EIF3H: variants seen among roughly 807,000 people sequenced by gnomAD.
The protein encoded by EIF3H is eIF-3-gamma.
EIF3H carries 26 observed loss-of-function variants against 44.2 expected under a neutral mutation model. The observed-to-expected ratio is 0.59, with a 90% CI of 0.43 to 0.82. EIF3H has a LOEUF of 0.82. EIF3H is among the 40% of genes least tolerant of loss of function. EIF3H has a pLI of 0.00. For missense variants in EIF3H, 359 were observed against 432.8 expected, an observed-to-expected ratio of 0.83 and a Z score of 1.51; for synonymous variants, 166 against 151.9, an observed-to-expected ratio of 1.09 and a Z score of -0.68.
At chr8:116,659,651 T>C (rs916715131) in intron 2 of EIF3H, among the ~76,000 whole-genome samples, 6 of 152,200 alleles carry the variant, frequency 3.9e-5, no homozygotes, top group East Asian at 1.9e-4. Context: ...TTAATGACCA[T>C]GTATAGAATG....
chr8:116,678,892 C>T (rs1256094220), intron 2 of EIF3H, among the ~76,000 whole-genome samples: 5 of 131,946 alleles, frequency 3.8e-5, no homozygotes, highest in African/African-American at 8.1e-5. Context: ...CCCGGCCAGC[C>T]GCCCCGTCCG....
chr8:116,656,255 C>T (rs1432596585), intron 4 of EIF3H, among the ~76,000 whole-genome samples: 2 of 152,096 alleles, frequency 1.3e-5, no homozygotes, highest in African/African-American at 4.8e-5. Context: ...GAAGAAACTA[C>T]TCATTCTTTG....
In EIF3H at chr8:116,749,542, T is replaced by C. The variant is rs1161092422; in HGVS notation, c.132+6124A>G. Among the ~76,000 whole-genome samples the C allele has an allele frequency of 2.0e-5, 3 of 152,236 alleles. No individual in the cohort carries two copies. In the East Asian group the frequency reaches 5.8e-4, roughly 29 times the overall value. On this transcript the variant is annotated intron_variant, in intron 1 of 7. Coordinates refer to ENST00000521861, the MANE Select transcript of EIF3H (RefSeq NM_003756.3). The stretch of plus-strand genomic sequence containing the variant: ...CAAATGTTCTAGGGAACAAAGTGGG[T>C]TCAACATGAAAAGTTTAACGGGAAG...
intron 2 of EIF3H, among the ~76,000 whole-genome samples, chr8:116,663,216 C>T (rs970829266): frequency 6.6e-6 from 1 of 152,002 alleles, no homozygotes; most frequent in African/African-American, 2.4e-5. Context: ...GGAAGAGAAT[C>T]ATCTCAAAGA....
chr8:116,731,719 C>T (rs1459604030), intron 1 of EIF3H, among the ~76,000 whole-genome samples: 1 of 152,176 alleles, frequency 6.6e-6, no homozygotes, highest in Non-Finnish European at 1.5e-5. Context: ...TTTTCTGCAG[C>T]ACAGTAAGAC....
upstream of EIF3H, among the ~76,000 whole-genome samples, chr8:116,757,866 C>T (rs1323963159): frequency 3.3e-5 from 5 of 152,178 alleles, no homozygotes; most frequent in South Asian, 4.1e-4. Context: ...GGATTTCAGG[C>T]ACCCACCACC....
upstream of EIF3H, among the ~76,000 whole-genome samples, chr8:116,756,585 T>C (rs1353736966): frequency 2.0e-5 from 3 of 152,224 alleles, no homozygotes; most frequent in Admixed American, 2.0e-4. Context: ...CTATCCCTTA[T>C]TTTTGAAATG....
intron 2 of EIF3H, among the ~76,000 whole-genome samples, chr8:116,660,153 A>T (rs2130796901): frequency 6.6e-6 from 1 of 152,284 alleles, no homozygotes; most frequent in East Asian, 1.9e-4. Flanking sequence ...GGCCTCCCAA[A>T]GTGTTGGGAT....
chr8:116,671,905 A>T (rs186683227), intron 2 of EIF3H, among the ~76,000 whole-genome samples: 1 of 152,382 alleles, frequency 6.6e-6, no homozygotes, highest in Non-Finnish European at 1.5e-5. Context: ...AGAAAACAGA[A>T]GATCTGAACT....
intron 5 of EIF3H, among the ~76,000 whole-genome samples, chr8:116,653,592 A>G (rs991893100): frequency 3.3e-5 from 5 of 152,182 alleles, no homozygotes; most frequent in African/African-American, 1.2e-4. Flanking sequence ...CAGGACATGA[A>G]GTGTTAAGTC....
chr8:116,712,887 T>A (rs1211057506), intron 2 of EIF3H, among the ~76,000 whole-genome samples: 2 of 152,128 alleles, frequency 1.3e-5, no homozygotes, highest in Non-Finnish European at 2.9e-5. Flanking sequence ...ATACTTTAGG[T>A]AATATATCTA....
At chr8:116,743,797 TAAACACAC>T (rs1446615162) in intron 1 of EIF3H, among the ~76,000 whole-genome samples, 4 of 33,058 alleles carry the variant, frequency 1.2e-4, no homozygotes, top group African/African-American at 5.0e-4. Flanking sequence ...TATATATATA[TAAACACAC>T]ACACACACAC....
intron 6 of EIF3H, among the ~76,000 whole-genome samples, 191 bp downstream of exon 6, chr8:116,648,615 G>T (rs1290087864): frequency 6.6e-6 from 1 of 152,034 alleles, no homozygotes; most frequent in African/African-American, 2.4e-5. Context: ...TTTAACACAG[G>T]TATTTTTAAG....
chr8:116,737,136 C>T (rs1295442490), intron 1 of EIF3H: 1 of 321,354 alleles, frequency 3.1e-6, no homozygotes, highest in Non-Finnish European at 6.1e-6. Flanking sequence ...TCACACTACC[C>T]AATATTCTAT....
intron 1 of EIF3H, among the ~76,000 whole-genome samples, chr8:116,730,841 TCCA>T (rs1814939835): frequency 6.6e-6 from 1 of 152,210 alleles, no homozygotes; most frequent in South Asian, 2.1e-4. Context: ...TGTCAAGCAC[TCCA>T]CCGTCTTACG....
At chr8:116,717,813 G>A in intron 2 of EIF3H, among the ~76,000 whole-genome samples, 1 of 152,062 alleles carries the variant, frequency 6.6e-6, no homozygotes, top group East Asian at 1.9e-4. Context: ...TAACATTGGA[G>A]AAGCCCTTCA....
intron 1 of EIF3H, among the ~76,000 whole-genome samples, chr8:116,735,845 C>CT (rs970365253): frequency 3.3e-5 from 5 of 151,176 alleles, no homozygotes; most frequent in Non-Finnish European, 7.4e-5. Flanking sequence ...CTGGGAGGGT[C>CT]TTTTTTCCCT....
At chr8:116,748,163 A>AC (rs1815269578) in intron 1 of EIF3H, among the ~76,000 whole-genome samples, 1 of 151,918 alleles carries the variant, frequency 6.6e-6, no homozygotes, top group African/African-American at 2.4e-5. Context: ...AAAAACAAAA[A>AC]AAAAAACAAA....
At chr8:116,681,591 G>A (rs6989689) in intron 2 of EIF3H, among the ~76,000 whole-genome samples, 2,155 of 151,034 alleles carry the variant, frequency 0.014, 46 homozygotes, top group African/African-American at 0.049. Flanking sequence ...GCTTGAACCC[G>A]GGAGGTGGAG....
Sources: gnomAD v4.1 joint callset for allele counts (sites outside exome capture counted in the v4.1 genomes callset) on GRCh38, gnomAD v4.1.1 for gene constraint, MANE v1.5 for transcripts, NCBI Gene and HGNC (gene_info 2026-07-23, HGNC 2026-07-21) for gene names.